Variants in CAMKK2 observed in about 807,000 individuals in gnomAD.
CAMKK2 encodes the protein calcium/calmodulin dependent protein kinase kinase 2.
In CAMKK2, 30 loss-of-function variants were observed where a neutral mutation model predicts 67.2. The ratio of observed to expected loss-of-function variants is 0.45; its 90% CI spans 0.33 to 0.61. The LOEUF (loss-of-function observed/expected upper bound fraction) is 0.61, where lower values mean the gene tolerates loss of function less well. CAMKK2 is among the 20% of genes least tolerant of loss of function. The probability of loss-of-function intolerance (pLI) is 0.02; values close to 1 mark genes in which losing one functional copy is unlikely to be tolerated. For missense variants in CAMKK2, 643 were observed against 802.0 expected, an observed-to-expected ratio of 0.80 and a Z score of 2.39; for synonymous variants, 322 against 326.2, an observed-to-expected ratio of 0.99 and a Z score of 0.14.
intron 14 of CAMKK2, among the ~76,000 whole-genome samples, chr12:121,246,557 G>T (rs188677392): frequency 5.3e-5 from 8 of 151,560 alleles, no homozygotes; most frequent in Admixed American, 2.0e-4. Flanking sequence ...AAAAAAAAAA[G>T]AGAGAGAGAA....
At chr12:121,241,655 C>A (rs1399904796) in intron 16 of CAMKK2, among the ~76,000 whole-genome samples, 1 of 152,250 alleles carries the variant, frequency 6.6e-6, no homozygotes, top group Non-Finnish European at 1.5e-5. Context: ...TCTGTCCTTC[C>A]CCCACAACAA....
chr12:121,280,547 A>G (rs1897581602), intron 1 of CAMKK2, among the ~76,000 whole-genome samples: 1 of 152,218 alleles, frequency 6.6e-6, no homozygotes, highest in South Asian at 2.1e-4. Flanking sequence ...CGGGCAGAAC[A>G]GAGCCATATT....
intron 1 of CAMKK2, 25 bp from the exon 2 acceptor site, chr12:121,274,610 G>T: frequency 1.1e-6 from 1 of 942,856 alleles, no homozygotes; most frequent in Non-Finnish European, 1.6e-6. Flanking sequence ...AGGGTCAGCT[G>T]GCCCAGCTCC....
chr12:121,260,499 G>T, intron 6 of CAMKK2, 144 bp from the exon 7 acceptor site: 1 of 715,676 alleles, frequency 1.4e-6, no homozygotes, highest in Non-Finnish European at 2.5e-6. Flanking sequence ...TCCCAGTTAA[G>T]ATGGAAGATA....
At chr12:121,247,553 C>T (rs1889745402) in intron 14 of CAMKK2, among the ~76,000 whole-genome samples, 1 of 152,184 alleles carries the variant, frequency 6.6e-6, no homozygotes, top group African/African-American at 2.4e-5. Context: ...GCTGTCTCCT[C>T]GTCTACAGGC....
chr12:121,274,555 C>T lies in CAMKK2; in HGVS notation c.-29G>A. 1 of 1,524,328 alleles carries T rather than the reference C, an allele frequency of 6.6e-7. No individual in the cohort carries two copies. The highest frequency in any genetic ancestry group is 8.9e-7 in the Non-Finnish European group (1 of 1,120,728). The allele number at this position is 1,524,328 out of a possible 1,614,324, so 94.4% of individuals were successfully genotyped here. A position where few individuals can be genotyped will look rare whatever the true frequency, so the allele number is the denominator to read the frequency against. On this transcript the variant is annotated 5_prime_UTR_variant, in exon 2 of 17. It adds an upstream start codon to the 5' untranslated region. Transcript: ENST00000404169. ...GCATGCGCCAGCTTCATCCAGCACA[C>T]TGGGGCACTCCCATCCGGCAGCGGA...
At chr12:121,242,509 G>A (rs575660606) in intron 16 of CAMKK2, among the ~76,000 whole-genome samples, 1 of 152,216 alleles carries the variant, frequency 6.6e-6, no homozygotes, top group Non-Finnish European at 1.5e-5. Flanking sequence ...TCCATCATCC[G>A]TGAGGCTCAC....
chr12:121,283,842 C>T (rs947787745), intron 1 of CAMKK2, among the ~76,000 whole-genome samples: 3 of 149,544 alleles, frequency 2.0e-5, no homozygotes, highest in African/African-American at 7.3e-5. Context: ...AAATAAATAA[C>T]CATTTGAATG....
chr12:121,243,045 T>C (rs1342682775), intron 16 of CAMKK2, among the ~76,000 whole-genome samples: 4 of 151,230 alleles, frequency 2.6e-5, no homozygotes, highest in Non-Finnish European at 5.9e-5. Flanking sequence ...CCCAGCCTTT[T>C]TTTTTGAGAC....
At chr12:121,295,905 G>A (rs1901059799) in intron 1 of CAMKK2, among the ~76,000 whole-genome samples, 1 of 152,226 alleles carries the variant, frequency 6.6e-6, no homozygotes, top group Non-Finnish European at 1.5e-5. Context: ...CTCAAGGCTG[G>A]GTCGGGTGGC....
intron 1 of CAMKK2, among the ~76,000 whole-genome samples, chr12:121,291,239 T>C (rs1593523359): frequency 6.6e-6 from 1 of 152,226 alleles, no homozygotes; most frequent in East Asian, 1.9e-4. Flanking sequence ...GAAACCTTTC[T>C]TCCATCACCT....
At chr12:121,280,735 C>T (rs532638176) in intron 1 of CAMKK2, among the ~76,000 whole-genome samples, 5 of 152,148 alleles carry the variant, frequency 3.3e-5, no homozygotes, top group African/African-American at 1.2e-4. Flanking sequence ...TCTCCCATAG[C>T]GCTCCCATCT....
chr12:121,287,862 C>T (rs892516337), intron 1 of CAMKK2, among the ~76,000 whole-genome samples: 12 of 152,058 alleles, frequency 7.9e-5, no homozygotes, highest in South Asian at 2.1e-4. Flanking sequence ...GTCCCAGCTC[C>T]GTCAGAGGCT....
chr12:121,294,976 C>A (rs1413269034), intron 1 of CAMKK2, among the ~76,000 whole-genome samples: 1 of 152,130 alleles, frequency 6.6e-6, no homozygotes, highest in African/African-American at 2.4e-5. Context: ...TCAAGACCAG[C>A]CTGACCAACA....
intron 6 of CAMKK2, 68 bp from the exon 7 acceptor site, chr12:121,260,423 G>A (rs1447217809): frequency 7.6e-6 from 11 of 1,443,914 alleles, no homozygotes; most frequent in African/African-American, 2.8e-5. Flanking sequence ...ATAGATATGA[G>A]CAGGGAGGAG....
chr12:121,293,371 G>C (rs1900475806), intron 1 of CAMKK2, among the ~76,000 whole-genome samples: 1 of 152,150 alleles, frequency 6.6e-6, no homozygotes, highest in African/African-American at 2.4e-5. Flanking sequence ...CAAATCCCCA[G>C]GATCAGGAAA....
intron 16 of CAMKK2, chr12:121,244,141 A>G (rs755743601): frequency 6.2e-7 from 1 of 1,610,180 alleles, no homozygotes; most frequent in Non-Finnish European, 8.5e-7. Context: ...TAAACACATC[A>G]AAGAAAGAGA....
At position 121,240,760 on chromosome 12, in the gene CAMKK2, G is replaced by C. The variant is rs753007936; in HGVS notation, c.1706C>G (p.Ala569Gly). 2 of 1,608,900 alleles carry C rather than the reference G, an allele frequency of 1.2e-6. No individual in the cohort carries two copies. Among genetic ancestry groups the C allele is most frequent in the African/African-American group, 1.3e-5 (1 of 74,804 alleles). Residue 569 changes from alanine (A) to glycine (G), a missense_variant, in exon 17 of 17, where the codon GCC becomes GGC. Ala to Gly is a moderately conservative substitution (Grantham distance 60). Coordinates refer to ENST00000404169, the MANE Select transcript of CAMKK2 (RefSeq NM_001270485.2). The surrounding 1 kb of genome is among the most constrained non-coding windows in gnomAD (Gnocchi z 4.4). ...SPCVESCWAP[A>G]PGSPARMHPL... ...ATGCATGCGTGCGGGGGAGCCGGGG[G>C]CGGGGGCCCAGCAACTTTCCACGCA...
chr12:121,287,351 C>T (rs1437603744), intron 1 of CAMKK2, among the ~76,000 whole-genome samples: 3 of 152,202 alleles, frequency 2.0e-5, no homozygotes, highest in African/African-American at 7.2e-5. Context: ...ATCCTTGCTT[C>T]CATGTGTCAT....
Sources: gnomAD v4.1 joint callset for allele counts (sites outside exome capture counted in the v4.1 genomes callset) on GRCh38, gnomAD v4.1.1 for gene constraint, Gnocchi (gnomAD v3.1) non-coding constraint, MANE v1.5 for transcripts, NCBI Gene and HGNC (gene_info 2026-07-23, HGNC 2026-07-21) for gene names.